Variants in PCCA observed in about 807,000 individuals in gnomAD.
PCCA encodes propionyl-CoA carboxylase subunit alpha, also known as propionyl-CoA carboxylase alpha chain, mitochondrial.
PCCA carries 74 observed loss-of-function variants against 101.3 expected under a neutral mutation model. That is an observed-to-expected ratio of 0.73 (90% confidence interval 0.61 to 0.89). The LOEUF is 0.89. PCCA is among the 40% of genes least tolerant of loss of function. The pLI is 0.00. For missense variants in PCCA, 891 were observed against 907.0 expected, an observed-to-expected ratio of 0.98 and a Z score of 0.23; for synonymous variants, 294 against 313.6, an observed-to-expected ratio of 0.94 and a Z score of 0.66.
chr13:100,140,395 T>C (rs887676693), intron 4 of PCCA, among the ~76,000 whole-genome samples: 1 of 152,010 alleles, frequency 6.6e-6, no homozygotes, highest in African/African-American at 2.4e-5. Context: ...TACTTGGGGG[T>C]TGGGGCAAAA....
chr13:100,279,005 A>G (rs2063874446), intron 12 of PCCA, among the ~76,000 whole-genome samples: 1 of 152,172 alleles, frequency 6.6e-6, no homozygotes, highest in South Asian at 2.1e-4. Flanking sequence ...AATCAGTGCT[A>G]TAGAATGTCA....
At position 100,183,134 on chromosome 13, in the gene PCCA, G is replaced by A. The variant is rs922995616; in HGVS notation, c.468+25794G>A. ...TCACATAAAGGGTCTGTGTGTGTGCGTGTGGGTGCATGCATGCGTGTGTAC... is the reference window on the plus strand; with the variant it reads ...TCACATAAAGGGTCTGTGTGTGTGCATGTGGGTGCATGCATGCGTGTGTAC... On this transcript the variant is annotated intron_variant, in intron 6 of 23. Coordinates refer to ENST00000376285, the MANE Select transcript of PCCA (RefSeq NM_000282.4). Among the ~76,000 whole-genome samples the A allele has an allele frequency of 7.2e-5, 11 of 152,140 alleles. No homozygotes were observed. The East Asian group carries it at 1.3e-3, about 19-fold the overall frequency.
rs558017709 is a variant in PCCA at position 100,306,876 on chromosome 13, C to T, written c.1285-316C>T. ...CAGGGAGTGCAGTTAGCAAGGGCAT[C>T]GTCCATGCCATGCTTCAGCTGGAAG... On this transcript the variant is annotated intron_variant, in intron 14 of 23. Coordinates refer to ENST00000376285, the MANE Select transcript of PCCA (RefSeq NM_000282.4). 3.3e-5 allele frequency among the ~76,000 whole-genome samples: 5 copies of T among 152,330 alleles called. No individual in the cohort carries two copies. The East Asian group carries it at 7.7e-4, about 24-fold the overall frequency.
chr13:100,126,997 C>G (rs1308573785), intron 4 of PCCA, among the ~76,000 whole-genome samples: 2 of 152,172 alleles, frequency 1.3e-5, no homozygotes, highest in Admixed American at 6.5e-5. Flanking sequence ...CAAGACCCTC[C>G]CATGGGTGCT....
At chr13:100,147,037 A>G (rs904800765) in intron 4 of PCCA, among the ~76,000 whole-genome samples, 2 of 152,066 alleles carry the variant, frequency 1.3e-5, no homozygotes, top group African/African-American at 4.8e-5. Context: ...GAGTGATAAA[A>G]TTAGTTGTAG....
At chr13:100,283,831 C>T (rs960793643) in intron 12 of PCCA, among the ~76,000 whole-genome samples, 3 of 152,200 alleles carry the variant, frequency 2.0e-5, no homozygotes, top group African/African-American at 7.2e-5. Flanking sequence ...TTTACTAGGA[C>T]ACTTTTAAAA....
intron 2 of PCCA, among the ~76,000 whole-genome samples, chr13:100,108,013 T>A (rs1002832306): frequency 6.6e-6 from 1 of 152,146 alleles, no homozygotes; most frequent in African/African-American, 2.4e-5. Context: ...TCAGAAGAGT[T>A]GGGCAAGTGA....
At chr13:100,341,971 A>ATG (rs1186086044) in intron 18 of PCCA, among the ~76,000 whole-genome samples, 1 of 111,684 alleles carries the variant, frequency 9.0e-6, no homozygotes, top group Non-Finnish European at 2.0e-5. Context: ...ATATATATAT[A>ATG]TATATATATA....
intron 23 of PCCA, among the ~76,000 whole-genome samples, chr13:100,529,424 T>C (rs1281509230): frequency 1.3e-5 from 2 of 152,202 alleles, no homozygotes; most frequent in Non-Finnish European, 2.9e-5. Flanking sequence ...TGACTGTCTC[T>C]TCCCCACCTC....
Position 100,340,369 on chromosome 13 carries a change from A to C in PCCA, c.1643+110A>C, listed in dbSNP as rs569315350. 286 of 725,650 alleles carry C rather than the reference A, an allele frequency of 3.9e-4. 10 individuals carry two copies. Among genetic ancestry groups the C allele is most frequent in the South Asian group, 3.4e-3 (234 of 68,720 alleles). 45.0% of individuals were successfully genotyped at this position (725,650 alleles called of 1,614,324 possible). A position where few individuals can be genotyped will look rare whatever the true frequency, so the allele number is the denominator to read the frequency against. On this transcript the variant is annotated intron_variant, in intron 18 of 23. Transcript: ENST00000376285. ...GGCTGATCTCAGTTCTAGAGATCTT[A>C]TGGGTCTTTGGAGAAGTATAATAAA...
At chr13:100,120,114 C>T (rs2049225098) in intron 4 of PCCA, among the ~76,000 whole-genome samples, 2 of 151,950 alleles carry the variant, frequency 1.3e-5, no homozygotes, top group South Asian at 4.2e-4. Flanking sequence ...CCACCCGCCT[C>T]AGCCTCCCAA....
chr13:100,367,072 A>G (rs1027102145), intron 18 of PCCA, among the ~76,000 whole-genome samples: 3 of 152,214 alleles, frequency 2.0e-5, no homozygotes, highest in Non-Finnish European at 4.4e-5. Flanking sequence ...GCTGGAGCCC[A>G]GATACTACAA....
chr13:100,157,879 T>C (rs2054038979), intron 6 of PCCA, among the ~76,000 whole-genome samples: 1 of 152,226 alleles, frequency 6.6e-6, no homozygotes, highest in African/African-American at 2.4e-5. Flanking sequence ...TTGATTAATG[T>C]TTGTACATAT....
At chr13:100,236,459 T>TCTTTC (rs113101867) in intron 8 of PCCA, 4 of 153,944 alleles carry the variant, frequency 2.6e-5, no homozygotes, top group African/African-American at 9.6e-5. Context: ...CTTTTTCTTT[T>TCTTTC]CTTTCCTTTT....
At chr13:100,129,018 C>G (rs1232495404) in intron 4 of PCCA, among the ~76,000 whole-genome samples, 1 of 152,174 alleles carries the variant, frequency 6.6e-6, no homozygotes, top group Non-Finnish European at 1.5e-5. Context: ...TCTGTGACGT[C>G]TCTAGTTGAA....
Position 100,530,109 on chromosome 13 carries a change from G to A in PCCA, c.2130G>A (p.Val710=), listed in dbSNP as rs764142037. Residue 710 remains valine, a synonymous_variant, in exon 24 of 24, where the codon GTG becomes GTA. Transcript: ENST00000376285. ...TAGKTGTVKS[V]HCQAGDTVGE... is the part of the protein sequence containing the mutation. The stretch of plus-strand genomic sequence containing the variant: ...TTTCAAAATTCAAGGTGAAATCTGT[G>A]CACTGTCAAGCTGGAGACACAGTTG... The A allele has an allele frequency of 2.3e-5, 37 of 1,613,828 alleles. No homozygotes were observed. The highest frequency in any genetic ancestry group is 5.1e-6 in the Non-Finnish European group (6 of 1,179,842).
intron 6 of PCCA, among the ~76,000 whole-genome samples, chr13:100,187,964 G>A (rs6650267): frequency 0.52 from 78,368 of 150,594 alleles, 20,907 homozygotes; most frequent in East Asian, 0.72. Context: ...TTGCCTCCTC[G>A]TAGCTTAGCT....
chr13:100,339,686 T>G (rs576409353), intron 17 of PCCA, among the ~76,000 whole-genome samples: 3 of 152,292 alleles, frequency 2.0e-5, no homozygotes, highest in African/African-American at 7.2e-5. Flanking sequence ...CGTGATATTC[T>G]TTGGATCTTC....
At chr13:100,468,150 G>GTTTT (rs2082686903) in intron 21 of PCCA, among the ~76,000 whole-genome samples, 1 of 152,138 alleles carries the variant, frequency 6.6e-6, no homozygotes, top group Non-Finnish European at 1.5e-5. Context: ...TGAGCAGTAG[G>GTTTT]TCTCCACAGC....
Sources: allele counts gnomAD v4.1 joint callset (sites outside exome capture counted in the v4.1 genomes callset), GRCh38; gene constraint gnomAD v4.1.1; transcripts MANE v1.5; gene names NCBI Gene and HGNC (gene_info 2026-07-23, HGNC 2026-07-21).